Variants in ACLY observed in about 807,000 individuals in gnomAD.
The protein encoded by ACLY is ATP-citrate synthase.
A neutral mutation model predicts 133.0 loss-of-function variants in ACLY; 41 were observed. The ratio of observed to expected loss-of-function variants is 0.31; its 90% confidence interval spans 0.24 to 0.40. The LOEUF (loss-of-function observed/expected upper bound fraction) is 0.40, where lower values mean the gene tolerates loss of function less well. Among genes scored for constraint, ACLY ranks in the 10% least tolerant of loss-of-function variants. The pLI, the probability that ACLY is intolerant of heterozygous loss-of-function variation, is 1.00. For synonymous variants in ACLY, 495 were observed against 549.3 expected, an observed-to-expected ratio of 0.90 and a Z score of 1.38; for missense variants, 1,046 against 1,453.8, an observed-to-expected ratio of 0.72 and a Z score of 4.56.
intron 1 of ACLY, among the ~76,000 whole-genome samples, chr17:41,915,665 T>G (rs1567916138): frequency 1.3e-5 from 2 of 152,182 alleles, no homozygotes; most frequent in Admixed American, 6.5e-5. Context: ...TTGAGATTCC[T>G]TCTCAGTATG....
chr17:41,901,869 T>C, intron 10 of ACLY, 56 bp from the exon 11 acceptor site: 1 of 1,352,040 alleles, frequency 7.4e-7, no homozygotes, highest in Non-Finnish European at 1.0e-6. Flanking sequence ...GTCAATGATT[T>C]ATAACCGTGA....
intron 1 of ACLY, among the ~76,000 whole-genome samples, chr17:41,915,973 C>T (rs1223737386): frequency 2.6e-5 from 4 of 152,132 alleles, no homozygotes; most frequent in African/African-American, 9.7e-5. Flanking sequence ...CCCAGTAAAA[C>T]AGTCCCCTGA....
chr17:41,926,780 C>T (rs1374082051), intron 1 of ACLY, among the ~76,000 whole-genome samples: 2 of 152,022 alleles, frequency 1.3e-5, no homozygotes, highest in African/African-American at 4.8e-5. Context: ...TAAGCCACCA[C>T]GCCAGGCCTT....
intron 18 of ACLY, 35 bp downstream of exon 18, chr17:41,886,077 G>T: frequency 6.3e-7 from 1 of 1,594,364 alleles, no homozygotes; most frequent in Non-Finnish European, 8.6e-7. Context: ...TGCTCTCAAA[G>T]CAGGAAGCCC....
At chr17:41,904,880 C>T in intron 9 of ACLY, 90 bp from the exon 10 acceptor site, 1 of 1,298,816 alleles carries the variant, frequency 7.7e-7, no homozygotes, top group Non-Finnish European at 1.1e-6. Flanking sequence ...TTCTTGTTCC[C>T]CTGAATGAGG....
At chr17:41,879,000 A>G in intron 20 of ACLY, 76 bp from the exon 21 acceptor site, 1 of 1,576,800 alleles carries the variant, frequency 6.3e-7, no homozygotes, top group Non-Finnish European at 8.7e-7. Flanking sequence ...AGTGTGCTAA[A>G]CACTTTACAT....
At position 41,906,646 on chromosome 17, in the gene ACLY, C is replaced by G. The variant is rs1223391775; in HGVS notation, c.748G>C (p.Glu250Gln). ...GCATCGAGGTCTGCAATGTAGGCTT[C>G]CTGGGGACCAGACAGCAACAGGTAG... Reference protein sequence around the residue: ...PPFGREAYPEEAYIADLDAKS... With the variant: ...PPFGREAYPEQAYIADLDAKS... Residue 250 changes from glutamate (E) to glutamine (Q), a missense_variant and splice_region_variant, in exon 8 of 29, where the codon GAA becomes CAA. Glu to Gln is a conservative substitution (Grantham distance 29). Around this residue, in one of 4 missense-constraint regions of ACLY, gnomAD observed 575 missense variants for 804.2 expected, o/e 0.71. Coordinates refer to ENST00000352035, the MANE Select transcript of ACLY (RefSeq NM_001096.3). 2 of 1,613,846 alleles carry G rather than the reference C, an allele frequency of 1.2e-6. No individual in the cohort carries two copies.
rs1473830018 is a variant in ACLY, at chr17:41,873,756, A to G, written c.2642+55T>C. On this transcript the variant is annotated intron_variant, in intron 23 of 28. Coordinates refer to ENST00000352035, the MANE Select transcript of ACLY (RefSeq NM_001096.3). Reference sequence around the variant, plus strand: ...TCCACTCCCACCCCTTTGTTGGGGGAAAATCATTAACTCTGAGCTGCAGGG... The same window carrying G: ...TCCACTCCCACCCCTTTGTTGGGGGGAAATCATTAACTCTGAGCTGCAGGG... 6.1e-6 allele frequency: 9 copies of G among 1,469,800 alleles called. No individual in the cohort carries two copies. In the African/African-American group the frequency reaches 1.3e-4, roughly 21 times the overall value. 91.0% of individuals were successfully genotyped at this position (1,469,800 alleles called of 1,614,324 possible). A position where few individuals can be genotyped will look rare whatever the true frequency, so the allele number is the denominator to read the frequency against.
Position 41,878,924 on chromosome 17 carries a change from C to T in ACLY, c.2266G>A (p.Val756Ile). 6.2e-7 allele frequency: 1 copy of T among 1,613,964 alleles called. No homozygotes were observed. The change falls in exon 21 of 29, where the codon GTC becomes ATC. Residue 756 changes from valine to isoleucine, a missense_variant and splice_region_variant. Val to Ile is a conservative substitution (Grantham distance 29). Coordinates refer to ENST00000352035, the MANE Select transcript of ACLY (RefSeq NM_001096.3). ...CAAGCTCCAGCATGGCCAAACTGGA[C>T]CTGGAAAGCAAAGGAAAGTAGCTTT... ...GTCATMFSSEVQFGHAGACAN... is the reference protein window; with the variant it reads ...GTCATMFSSEIQFGHAGACAN...
rs782573989 is a variant in ACLY at position 41,886,199 on chromosome 17, C to A, written c.1985G>T (p.Arg662Leu). The A allele has an allele frequency of 6.2e-7, 1 of 1,614,206 alleles. No individual in the cohort carries two copies. The highest frequency in any genetic ancestry group is 8.5e-7 in the Non-Finnish European group (1 of 1,180,034). ...YRPGSVAYVS[R>L]SGGMSNELNN... ...GAGCTCGTTGGACATGCCTCCGGAA[C>A]GTGAGACATAGGCCACGCTGCCTGG... The change falls in exon 18 of 29, where the codon CGT becomes CTT. Residue 662 changes from arginine to leucine, a missense_variant. Around this residue, in one of 4 missense-constraint regions of ACLY, gnomAD observed 575 missense variants for 804.2 expected, o/e 0.71. Coordinates refer to ENST00000352035, the MANE Select transcript of ACLY (RefSeq NM_001096.3).
At chr17:41,892,206 C>T (rs868944911) in intron 16 of ACLY, 73 bp downstream of exon 16, 4 of 1,376,452 alleles carry the variant, frequency 2.9e-6, no homozygotes, top group African/African-American at 1.5e-5. Context: ...CCCTCTGTCC[C>T]CTAGAGCCCA....
chr17:41,898,161 G>A (rs1479954401), intron 12 of ACLY, among the ~76,000 whole-genome samples: 3 of 152,048 alleles, frequency 2.0e-5, no homozygotes, highest in Non-Finnish European at 4.4e-5. Flanking sequence ...GCTCAGAGCT[G>A]GAGTGCAATG....
At chr17:41,909,800 G>C in intron 4 of ACLY, 100 bp from the exon 5 acceptor site, 1 of 1,033,900 alleles carries the variant, frequency 9.7e-7, no homozygotes. Context: ...TACTGGGAGA[G>C]GAAACCAATC....
At chr17:41,877,443 CTT>C (rs35203873) in intron 22 of ACLY, among the ~76,000 whole-genome samples, 82 of 135,162 alleles carry the variant, frequency 6.1e-4, no homozygotes, top group Middle Eastern at 4.1e-3. Context: ...AGGCCCAGCC[CTT>C]TTTTTTTTTT....
At chr17:41,874,083 G>A in intron 22 of ACLY, 118 bp from the exon 23 acceptor site, 1 of 1,078,980 alleles carries the variant, frequency 9.3e-7, no homozygotes, top group Non-Finnish European at 1.2e-6. Context: ...CGTAAACTCT[G>A]GCAGCCAAGT....
chr17:41,878,748 G>T (rs1048785708), intron 21 of ACLY, 49 bp downstream of exon 21: 7 of 1,610,338 alleles, frequency 4.3e-6, no homozygotes, highest in South Asian at 1.1e-5. Flanking sequence ...GTCTCAGGAG[G>T]GATTTGGAAA....
intron 16 of ACLY, among the ~76,000 whole-genome samples, 177 bp downstream of exon 16, chr17:41,892,102 T>C (rs578252960): frequency 6.0e-4 from 92 of 152,220 alleles, no homozygotes; most frequent in African/African-American, 2.2e-3. Flanking sequence ...CTCCAACCAT[T>C]TCCACCTAAA....
intron 2 of ACLY, among the ~76,000 whole-genome samples, chr17:41,912,852 C>T (rs782131909): frequency 1.1e-4 from 17 of 152,202 alleles, no homozygotes; most frequent in Non-Finnish European, 2.2e-4. Flanking sequence ...TTAGCTTCTT[C>T]ATTCAACAGT....
chr17:41,902,252 C>G (rs1194615868), intron 10 of ACLY, among the ~76,000 whole-genome samples: 1 of 152,220 alleles, frequency 6.6e-6, no homozygotes, highest in Non-Finnish European at 1.5e-5. Context: ...CTCGCTCTGT[C>G]ACCCGGGCTG....
Sources: gnomAD v4.1 joint callset for allele counts (sites outside exome capture counted in the v4.1 genomes callset) on GRCh38, gnomAD v4.1.1 for gene constraint, gnomAD v4.1.1 regional missense constraint, MANE v1.5 for transcripts, NCBI Gene and HGNC (gene_info 2026-07-23, HGNC 2026-07-21) for gene names.